TTC16: variants seen among roughly 807,000 people sequenced by gnomAD.
TTC16 encodes the protein tetratricopeptide repeat protein 16.
In TTC16, 66 loss-of-function variants were observed where a neutral mutation model predicts 80.4. The ratio of observed to expected loss-of-function variants is 0.82; its 90% CI spans 0.67 to 1.01. TTC16 has a LOEUF of 1.01. Ranked by LOEUF, TTC16 falls within the 50% of genes least tolerant of loss-of-function variation. The probability of loss-of-function intolerance (pLI) is 0.00; values close to 1 mark genes in which losing one functional copy is unlikely to be tolerated. For missense variants in TTC16, 1,070 were observed against 1,103.2 expected, an observed-to-expected ratio of 0.97 and a Z score of 0.43; for synonymous variants, 438 against 451.3, an observed-to-expected ratio of 0.97 and a Z score of 0.37.
At chr9:127,716,351 G>A in intron 1 of TTC16, 188 bp downstream of exon 1, 3 of 832,554 alleles carry the variant, frequency 3.6e-6, no homozygotes, top group Non-Finnish European at 5.7e-6. Context: ...TGCTTGGACA[G>A]AGGTCTCTGG....
At chr9:127,723,565 C>T (rs903722555) in intron 7 of TTC16, among the ~76,000 whole-genome samples, 9 of 152,244 alleles carry the variant, frequency 5.9e-5, no homozygotes, top group Non-Finnish European at 8.8e-5. Flanking sequence ...AGAGCTGCAG[C>T]CTGCAAAGCA....
chr9:127,720,887 T>C (rs1588429968), intron 6 of TTC16, among the ~76,000 whole-genome samples: 1 of 20,382 alleles, frequency 4.9e-5, no homozygotes, highest in Admixed American at 5.5e-4. Context: ...CCCTTCCCCT[T>C]CCTCCCTCCT....
At chr9:127,720,420 G>GGGCGGGGC in intron 6 of TTC16, 25 bp downstream of exon 6, 1 of 1,141,762 alleles carries the variant, frequency 8.8e-7, no homozygotes, top group African/African-American at 1.5e-5. Context: ...GCGGGCAGGG[G>GGGCGGGGC]CATGCCCCCC....
intron 1 of TTC16, chr9:127,716,610 C>T (rs1342483939): frequency 1.7e-5 from 10 of 590,014 alleles, no homozygotes; most frequent in Non-Finnish European, 2.7e-5. Context: ...AGCATGAGGA[C>T]CCTGATCCCT....
Position 127,731,375 on chromosome 9 carries a change from T to C in TTC16, c.2592T>C (p.Asp864=), listed in dbSNP as rs369228745. The change falls in exon 14 of 14, where the codon GAT becomes GAC. Residue 864 remains aspartate, a synonymous_variant. Transcript: ENST00000373289. ...CAAGTCTCAGCAAAACTGAGGTTGA[T>C]CAGGACCTCACCTACTATGAAGCTG... ...PSPSLSKTEV[D]QDLTYYEAV 1.6e-5 allele frequency: 26 copies of C among 1,612,834 alleles called. No homozygotes were observed. In the African/African-American group the frequency reaches 2.7e-4, roughly 17 times the overall value.
Position 127,724,246 on chromosome 9 carries a change from C to T in TTC16, c.999C>T (p.Thr333=), listed in dbSNP as rs1843727528. The change falls in exon 8 of 14, where the codon ACC becomes ACT. Residue 333 remains threonine, a synonymous_variant. Coordinates refer to ENST00000373289, the MANE Select transcript of TTC16 (RefSeq NM_144965.3). ...AGGCACAGCGCCAGCTGTTGCTGAC[C>T]TACAACGACTTTGCCGTGCACTGCT... ...VRQAQRQLLL[T]YNDFAVHCYR... 2.5e-6 allele frequency: 4 copies of T among 1,612,974 alleles called. No individual in the cohort carries two copies. The African/African-American group carries it at 4.0e-5, about 16-fold the overall frequency.
rs146319835 is a variant in TTC16 at position 127,727,314 on chromosome 9, T to C, written c.1613T>C (p.Leu538Pro). ...HELERQKALA[L>P]QHSWKQGEPL... ...TTGGAGCGCCAGAAGGCCTTGGCCC[T>C]GCAGCACTCATGGAAGCAGGGGGAG... Residue 538 changes from leucine to proline, a missense_variant, in exon 12 of 14, where the codon CTG (leucine) becomes CCG (proline). Coordinates refer to ENST00000373289, the MANE Select transcript of TTC16 (RefSeq NM_144965.3). 2.9e-5 allele frequency: 47 copies of C among 1,596,286 alleles called. No individual in the cohort carries two copies. The highest frequency in any genetic ancestry group is 4.0e-5 in the Non-Finnish European group (47 of 1,168,946).
chr9:127,721,596 C>T (rs954798917), intron 6 of TTC16, among the ~76,000 whole-genome samples: 5 of 152,118 alleles, frequency 3.3e-5, no homozygotes, highest in Non-Finnish European at 7.4e-5. Flanking sequence ...ACCACCCTGG[C>T]AGGAGTGACT....
At chr9:127,724,566 CT>C in intron 8 of TTC16, 189 bp from the exon 9 acceptor site, 1 of 1,094,768 alleles carries the variant, frequency 9.1e-7, no homozygotes. Flanking sequence ...CTCCAGACTC[CT>C]TAAAATGCTC....
chr9:127,729,381 C>T (rs1231357557), intron 12 of TTC16, 200 bp from the exon 13 acceptor site: 2 of 562,248 alleles, frequency 3.6e-6, no homozygotes, highest in African/African-American at 1.9e-5. Context: ...TCTCACGGCA[C>T]CATGCCTGTC....
At position 127,730,919 on chromosome 9, in the gene TTC16, C is replaced by T. The variant is rs1844364721; in HGVS notation, c.2136C>T (p.Ala712=). ...AGAGGAACTCCAGCAAGACCAAGGC[C>T]ACCCAAAGCCAGAGGCGGAACTCCA... ...IHKRNSSKTK[A]TQSQRRNSSK... The change falls in exon 14 of 14, where the codon GCC becomes GCT. Residue 712 remains alanine (A), a synonymous_variant. Transcript: ENST00000373289. The T allele has an allele frequency of 6.2e-7, 1 of 1,613,380 alleles. No individual in the cohort carries two copies. Among genetic ancestry groups the T allele is most frequent in the South Asian group, 1.1e-5 (1 of 91,054 alleles).
chr9:127,717,485 C>T (rs1482214253), intron 3 of TTC16, 61 bp downstream of exon 3: 17 of 1,581,198 alleles, frequency 1.1e-5, no homozygotes, highest in African/African-American at 5.4e-5. Flanking sequence ...CCCTCCCTGT[C>T]GCACCTGCCA....
rs4837178 is a variant in TTC16 at position 127,731,209 on chromosome 9, A to G, written c.2426A>G (p.Tyr809Cys). The G allele has an allele frequency of 0.014, 21,893 of 1,612,978 alleles. 210 individuals carry two copies. Among genetic ancestry groups the G allele is most frequent in the Middle Eastern group, 0.017 (106 of 6,060 alleles). ...LRSSTKTEAF[Y>C]DSNWSLSKTE... ...AGTTCCACCAAGACTGAGGCTTTCT[A>G]TGACTCAAACTGGAGCCTCAGCAAA... is the stretch of plus-strand genomic sequence containing the variant. The change falls in exon 14 of 14, where the codon TAT becomes TGT. Residue 809 changes from tyrosine to cysteine, a missense_variant. Coordinates refer to ENST00000373289, the MANE Select transcript of TTC16 (RefSeq NM_144965.3).
rs1843161165 is a variant in TTC16, at chr9:127,717,709, C to G, written c.363C>G (p.Ala121=). 6.2e-7 allele frequency: 1 copy of G among 1,613,876 alleles called. No homozygotes were observed. Among genetic ancestry groups the G allele is most frequent in the Non-Finnish European group, 8.5e-7 (1 of 1,180,038 alleles). Residue 121 remains alanine (A), a synonymous_variant, in exon 4 of 14, where the codon GCC becomes GCG. Transcript: ENST00000373289. ...FSSAAQNLRR[A]YSLQQDNCKH... ...CGGCCGCCCAGAACCTGCGAAGGGCCTACTCATTACAGCAGGACAACTGCA... is the reference window on the plus strand; with the variant it reads ...CGGCCGCCCAGAACCTGCGAAGGGCGTACTCATTACAGCAGGACAACTGCA...
chr9:127,723,706 G>A lies in TTC16; in HGVS notation c.872+373G>A, dbSNP rs939632824. Among the ~76,000 whole-genome samples the A allele has an allele frequency of 4.6e-5, 7 of 152,144 alleles. No homozygotes were observed. In the South Asian group the frequency reaches 1.0e-3, roughly 22 times the overall value. ...CCTGGCAGGAGTGACTCCAGGGGGC[G>A]GTCCACCCAGCCAATCTCTCCCTAT... On this transcript the variant is annotated intron_variant, in intron 7 of 13. Transcript: ENST00000373289.
At position 127,731,338 on chromosome 9, in the gene TTC16, G is replaced by A. The variant is rs756287984; in HGVS notation, c.2555G>A (p.Trp852Ter). Residue 852 changes from tryptophan to a stop codon, truncating the protein, a stop_gained, in exon 14 of 14, where the codon TGG (tryptophan) becomes TAG (stop). Transcript: ENST00000373289. LOFTEE classifies it low-confidence loss of function (END_TRUNC). ...SSTSSKAEST[W>*]GPSPSLSKTE... ...ACTTCCAGCAAGGCCGAGTCCACCT[G>A]GGGACCCAGCCCAAGTCTCAGCAAA... 2.5e-6 allele frequency: 4 copies of A among 1,613,004 alleles called. No individual in the cohort carries two copies. In the Admixed American group the frequency reaches 6.7e-5, roughly 27 times the overall value.
In TTC16 at chr9:127,730,838, T is replaced by C. The variant is rs1844357493; in HGVS notation, c.2055T>C (p.Thr685=). ...TQGQRQSLSK[T]EPTQSQRRNS... is the part of the protein sequence containing the mutation. The stretch of plus-strand genomic sequence containing the variant: ...GCCAGAGGCAGAGCCTTAGCAAGAC[T>C]GAGCCCACCCAGAGCCAGAGGCGGA... Residue 685 remains threonine (T), a synonymous_variant, in exon 14 of 14, where the codon ACT becomes ACC. Coordinates refer to ENST00000373289, the MANE Select transcript of TTC16 (RefSeq NM_144965.3). 1.9e-6 allele frequency: 3 copies of C among 1,611,434 alleles called. No individual in the cohort carries two copies. In the African/African-American group the frequency reaches 4.1e-5, roughly 22 times the overall value.
intron 12 of TTC16, chr9:127,727,705 C>A (rs927719701): frequency 1.2e-5 from 9 of 739,102 alleles, no homozygotes; most frequent in Non-Finnish European, 1.2e-5. Flanking sequence ...CACAGCCCTG[C>A]TCATGGTCAC....
chr9:127,727,126 C>T lies in TTC16; in HGVS notation c.1568+14C>T. The T allele has an allele frequency of 6.3e-7, 1 of 1,580,184 alleles. No homozygotes were observed. Among genetic ancestry groups the T allele is most frequent in the South Asian group, 1.2e-5 (1 of 85,602 alleles). On this transcript the variant is annotated intron_variant, in intron 11 of 13. Coordinates refer to ENST00000373289, the MANE Select transcript of TTC16 (RefSeq NM_144965.3). ...AGGCATTGTGGGGTAAGCCCTGGAG[C>T]AAGGGGCACAGGCCAGGGCTGGGGA... is the stretch of plus-strand genomic sequence containing the variant.
Sources: gnomAD v4.1 joint callset for allele counts (sites outside exome capture counted in the v4.1 genomes callset) on GRCh38, gnomAD v4.1.1 for gene constraint, MANE v1.5 for transcripts, NCBI Gene and HGNC (gene_info 2026-07-23, HGNC 2026-07-21) for gene names.